USP32: variants seen among roughly 807,000 people sequenced by gnomAD.
The protein encoded by USP32 is ubiquitin specific peptidase 32.
In USP32, 59 loss-of-function variants were observed where a neutral mutation model predicts 204.8. That is an observed-to-expected ratio of 0.29 (90% CI 0.23 to 0.36). The LOEUF is 0.36. Among genes scored for constraint, USP32 ranks in the 10% least tolerant of loss-of-function variants. USP32 has a pLI of 1.00. For missense variants in USP32, 1,160 were observed against 1,946.4 expected (o/e 0.60, Z 7.60); for synonymous variants, 517 against 678.4 (o/e 0.76, Z 3.70).
chr17:60,399,298 G>T (rs1478135486), intron 1 of USP32, among the ~76,000 whole-genome samples: 1 of 152,078 alleles, frequency 6.6e-6, no homozygotes, highest in African/African-American at 2.4e-5. Flanking sequence ...TACATCAGTT[G>T]TTCTACAGAA....
intron 1 of USP32, among the ~76,000 whole-genome samples, chr17:60,349,915 A>T (rs1598275427): frequency 1.3e-5 from 2 of 151,398 alleles, no homozygotes; most frequent in South Asian, 4.2e-4. Flanking sequence ...ATACAGTGAA[A>T]TGTTGAAAAT....
chr17:60,372,689 A>G (rs1010827415), intron 1 of USP32, among the ~76,000 whole-genome samples: 4 of 151,416 alleles, frequency 2.6e-5, no homozygotes, highest in Non-Finnish European at 5.9e-5. Flanking sequence ...TTAAAAAAAA[A>G]AAAAGAAAAA....
intron 1 of USP32, among the ~76,000 whole-genome samples, chr17:60,371,872 T>A (rs2089449322): frequency 1.3e-5 from 2 of 152,146 alleles, no homozygotes; most frequent in South Asian, 4.1e-4. Context: ...ATACTTAGAA[T>A]ACTAAGCAAA....
At chr17:60,250,965 G>C (rs1453900352) in intron 11 of USP32, among the ~76,000 whole-genome samples, 1 of 144,394 alleles carries the variant, frequency 6.9e-6, no homozygotes, top group South Asian at 2.2e-4. Flanking sequence ...TTTTTTTTGA[G>C]AGAGTCTCAC....
chr17:60,324,081 G>C (rs1400738740), intron 2 of USP32, among the ~76,000 whole-genome samples: 1 of 152,106 alleles, frequency 6.6e-6, no homozygotes, highest in African/African-American at 2.4e-5. Context: ...AGGAGTTCAA[G>C]ACCAACCTGG....
chr17:60,393,342 G>GT (rs1375084774), upstream of USP32, among the ~76,000 whole-genome samples: 2 of 152,168 alleles, frequency 1.3e-5, no homozygotes, highest in South Asian at 4.1e-4. Context: ...ATGTGAACAG[G>GT]TATTTGTGCC....
At position 60,421,378 on chromosome 17, in the gene USP32, G is replaced by A. The variant is rs533396729; in HGVS notation, c.106+868C>T. The A allele has an allele frequency of 9.1e-6, 9 of 985,506 alleles. 1 individual carries two copies. The South Asian group carries it at 3.8e-4, about 41-fold the overall frequency. 61.0% of individuals were successfully genotyped at this position (985,506 alleles called of 1,614,324 possible). A position where few individuals can be genotyped will look rare whatever the true frequency, so the allele number is the denominator to read the frequency against. ...GGCCTCCGGGCTACCCCTACTTGAA[G>A]CCGCTATGCCCCTCTCCTGTGCCCG... On this transcript the variant is annotated intron_variant, in intron 1 of 3. Transcript: ENST00000588898.
In USP32 at chr17:60,214,780, G is replaced by A. The variant is rs1446047334; in HGVS notation, c.1868-6C>T. On this transcript the variant is annotated splice_polypyrimidine_tract_variant and splice_region_variant and intron_variant, in intron 16 of 33. Coordinates refer to ENST00000300896, the MANE Select transcript of USP32 (RefSeq NM_032582.4). The stretch of plus-strand genomic sequence containing the variant: ...ATTCGGAGAAGGTACATTTCCTATG[G>A]TTACAGTAATCACAGTAAGAAAAAA... The A allele has an allele frequency of 4.3e-6, 7 of 1,613,712 alleles. No homozygotes were observed. The highest frequency in any genetic ancestry group is 5.1e-6 in the Non-Finnish European group (6 of 1,179,860).
chr17:60,186,531 T>G (rs1355869562), intron 29 of USP32, among the ~76,000 whole-genome samples: 2 of 152,188 alleles, frequency 1.3e-5, no homozygotes. Context: ...AGTCTATAAT[T>G]ATCTGTCTCC....
chr17:60,392,493 C>T (rs1288842148), upstream of USP32: 2 of 260,144 alleles, frequency 7.7e-6, no homozygotes, highest in Non-Finnish European at 1.6e-5. Context: ...CCCCCCGCCC[C>T]CGCGCCCACA....
At chr17:60,286,338 G>C (rs1567828177) in intron 5 of USP32, among the ~76,000 whole-genome samples, 1 of 152,138 alleles carries the variant, frequency 6.6e-6, no homozygotes. Flanking sequence ...GGATCTTGAG[G>C]TAAAATTATC....
At chr17:60,326,046 A>G (rs2088227037) in intron 2 of USP32, among the ~76,000 whole-genome samples, 1 of 151,970 alleles carries the variant, frequency 6.6e-6, no homozygotes, top group South Asian at 2.1e-4. Context: ...ACTACTAGAA[A>G]CTGGTTGCTT....
At chr17:60,274,906 T>C (rs2086805056) in intron 5 of USP32, among the ~76,000 whole-genome samples, 1 of 152,156 alleles carries the variant, frequency 6.6e-6, no homozygotes, top group African/African-American at 2.4e-5. Context: ...TACTCAAATG[T>C]CACATTCTCA....
chr17:60,267,714 T>A (rs1193912674), intron 7 of USP32, among the ~76,000 whole-genome samples: 1 of 151,896 alleles, frequency 6.6e-6, no homozygotes, highest in Non-Finnish European at 1.5e-5. Flanking sequence ...AGAGACAGGG[T>A]TTCACCATAT....
At chr17:60,256,032 CAT>C (rs2086293497) in intron 9 of USP32, among the ~76,000 whole-genome samples, 1 of 151,988 alleles carries the variant, frequency 6.6e-6, no homozygotes, top group South Asian at 2.1e-4. Flanking sequence ...AAACAACAGA[CAT>C]GTGAGAGATT....
intron 3 of USP32, 86 bp downstream of exon 3, chr17:60,301,513 T>C (rs1254904386): frequency 1.2e-6 from 1 of 805,182 alleles, no homozygotes; most frequent in African/African-American, 1.8e-5. Context: ...AAAATGTCAA[T>C]TCAAATCCTC....
At chr17:60,204,825 T>C (rs1231463327) in intron 26 of USP32, among the ~76,000 whole-genome samples, 1 of 151,770 alleles carries the variant, frequency 6.6e-6, no homozygotes, top group African/African-American at 2.4e-5. Context: ...GCCTGGAATG[T>C]GTGGGGCAAG....
chr17:60,333,563 G>A (rs1030672734), intron 2 of USP32, among the ~76,000 whole-genome samples: 3 of 151,890 alleles, frequency 2.0e-5, no homozygotes, highest in Non-Finnish European at 4.4e-5. Context: ...TTGTGCCACT[G>A]CACTCCACCT....
rs2089465182 is a variant in USP32, at chr17:60,372,767, C to T, written c.58+19115G>A. 2.0e-5 allele frequency among the ~76,000 whole-genome samples: 3 copies of T among 150,788 alleles called. No individual in the cohort carries two copies. In the South Asian group the frequency reaches 6.3e-4, roughly 32 times the overall value. ...ATTGAGGCAGGAGGATAACTTGAGCCCTTGAGCCCAAGAGGTCCAGGCTGC... is the reference window on the plus strand; with the variant it reads ...ATTGAGGCAGGAGGATAACTTGAGCTCTTGAGCCCAAGAGGTCCAGGCTGC... On this transcript the variant is annotated intron_variant, in intron 1 of 33. Coordinates refer to ENST00000300896, the MANE Select transcript of USP32 (RefSeq NM_032582.4).
Sources: allele counts gnomAD v4.1 joint callset (sites outside exome capture counted in the v4.1 genomes callset), GRCh38; gene constraint gnomAD v4.1.1; transcripts MANE v1.5; gene names NCBI Gene and HGNC (gene_info 2026-07-23, HGNC 2026-07-21).